NOVA1: variants seen among roughly 807,000 people sequenced by gnomAD.
NOVA1 encodes the protein RNA-binding protein Nova-1.
Under a neutral mutation model 38.0 loss-of-function variants are expected in NOVA1, and 7 were observed. The observed-to-expected ratio is 0.18, with a 90% confidence interval of 0.10 to 0.35. The LOEUF (loss-of-function observed/expected upper bound fraction) is 0.35, where lower values mean the gene tolerates loss of function less well. NOVA1 is among the 10% of genes least tolerant of loss of function. The pLI is 1.00. For synonymous variants in NOVA1, 270 were observed against 232.5 expected (o/e 1.16, Z -1.47); for missense variants, 460 against 616.0 (o/e 0.75, Z 2.68).
At chr14:26,481,867 CAA>C (rs1885479567) in intron 2 of NOVA1, among the ~76,000 whole-genome samples, 2 of 151,510 alleles carry the variant, frequency 1.3e-5, no homozygotes, top group African/African-American at 2.4e-5. Context: ...GTAGCTAATA[CAA>C]AGTGTTCTTA....
At chr14:26,491,085 C>T (rs1019663781) in intron 2 of NOVA1, among the ~76,000 whole-genome samples, 22 of 152,190 alleles carry the variant, frequency 1.4e-4, no homozygotes, top group Admixed American at 2.6e-4. Context: ...CTCCTGGCCT[C>T]ATGATCCGCC....
intron 2 of NOVA1, among the ~76,000 whole-genome samples, chr14:26,528,258 T>C (rs1889441305): frequency 6.6e-6 from 1 of 152,212 alleles, no homozygotes; most frequent in African/African-American, 2.4e-5. Context: ...TGTCCTGTTA[T>C]GCTTACTAGG....
chr14:26,552,454 A>G (rs141951253), intron 2 of NOVA1, among the ~76,000 whole-genome samples: 391 of 152,302 alleles, frequency 2.6e-3, no homozygotes, highest in African/African-American at 8.8e-3. Context: ...AGTTAGAAAT[A>G]ATAAAAGTGA....
intron 2 of NOVA1, among the ~76,000 whole-genome samples, chr14:26,581,139 G>A (rs757207613): frequency 2.0e-5 from 3 of 152,020 alleles, no homozygotes; most frequent in Non-Finnish European, 4.4e-5. Flanking sequence ...CCTAGTAAGT[G>A]GCAGAGCTGG....
chr14:26,510,539 C>CT (rs1439213660), intron 2 of NOVA1, among the ~76,000 whole-genome samples: 1 of 152,062 alleles, frequency 6.6e-6, no homozygotes, highest in African/African-American at 2.4e-5. Flanking sequence ...CTCCCACATA[C>CT]TTTGTAGAGA....
At chr14:26,494,697 T>C (rs1323281148) in intron 2 of NOVA1, among the ~76,000 whole-genome samples, 1 of 152,158 alleles carries the variant, frequency 6.6e-6, no homozygotes, top group East Asian at 1.9e-4. Context: ...TGGTTGTAAA[T>C]ACCATAAAAT....
chr14:26,554,370 A>G (rs757826509), intron 2 of NOVA1, among the ~76,000 whole-genome samples: 2 of 151,932 alleles, frequency 1.3e-5, no homozygotes, highest in Non-Finnish European at 2.9e-5. Flanking sequence ...ACAAAACAAA[A>G]CAGATCATTC....
intron 2 of NOVA1, among the ~76,000 whole-genome samples, chr14:26,567,993 C>T (rs1476377496): frequency 6.6e-6 from 1 of 151,936 alleles, no homozygotes; most frequent in Non-Finnish European, 1.5e-5. Context: ...AACAAAAATA[C>T]TGATAGGACT....
At chr14:26,585,693 G>A (rs1261151051) in intron 2 of NOVA1, among the ~76,000 whole-genome samples, 2 of 150,922 alleles carry the variant, frequency 1.3e-5, no homozygotes, top group Non-Finnish European at 3.0e-5. Flanking sequence ...AACTCATATT[G>A]CTTAAGTTAT....
intron 4 of NOVA1, among the ~76,000 whole-genome samples, chr14:26,453,182 ATG>A (rs1882854932): frequency 1.7e-5 from 1 of 59,404 alleles, no homozygotes; most frequent in East Asian, 8.7e-4. Flanking sequence ...GTATGTATGT[ATG>A]TATGTATGTA....
At chr14:26,555,805 G>A (rs1396455207) in intron 2 of NOVA1, among the ~76,000 whole-genome samples, 2 of 151,972 alleles carry the variant, frequency 1.3e-5, no homozygotes, top group African/African-American at 4.8e-5. Context: ...ATGTCAACCA[G>A]GAATAAATAA....
Position 26,507,963 on chromosome 14 carries a change from G to T in NOVA1, c.281-27820C>A, listed in dbSNP as rs185977650. 1.2e-4 allele frequency among the ~76,000 whole-genome samples: 18 copies of T among 152,062 alleles called. No individual in the cohort carries two copies. The East Asian group carries it at 3.5e-3, about 29-fold the overall frequency. ...AATTCTGTCCTAAACAAGACCATAA[G>T]AGTTATATCAATAGAAGAGGAAAAA... On this transcript the variant is annotated intron_variant, in intron 2 of 4. Transcript: ENST00000539517.
chr14:26,540,925 A>G (rs1410046555), intron 2 of NOVA1, among the ~76,000 whole-genome samples: 1 of 152,142 alleles, frequency 6.6e-6, no homozygotes, highest in Non-Finnish European at 1.5e-5. Context: ...ATTTTTAAAA[A>G]CTTATCACTT....
At chr14:26,511,222 G>C (rs1294620837) in intron 2 of NOVA1, among the ~76,000 whole-genome samples, 2 of 151,926 alleles carry the variant, frequency 1.3e-5, no homozygotes, top group Non-Finnish European at 2.9e-5. Context: ...AACAGGCATG[G>C]CTAAGTTCCC....
intron 1 of NOVA1, 106 bp from the exon 2 acceptor site, chr14:26,595,659 A>T: frequency 1.1e-6 from 1 of 875,136 alleles, no homozygotes; most frequent in Non-Finnish European, 1.7e-6. Context: ...TGGGTATATA[A>T]CTGCAGGAAA....
chr14:26,526,571 T>TTTTA (rs1889314541), intron 2 of NOVA1, among the ~76,000 whole-genome samples: 1 of 98,042 alleles, frequency 1.0e-5, no homozygotes, highest in Admixed American at 1.2e-4. Context: ...TAAATTTTAA[T>TTTTA]GTTAGAAAAT....
chr14:26,487,998 T>C (rs1886051162), intron 2 of NOVA1, among the ~76,000 whole-genome samples: 2 of 152,160 alleles, frequency 1.3e-5, no homozygotes, highest in Admixed American at 6.5e-5. Context: ...TTGATAATAC[T>C]TCCTCCTACC....
In NOVA1 at chr14:26,514,335, C is replaced by T. The variant is rs529468816; in HGVS notation, c.281-34192G>A. On this transcript the variant is annotated intron_variant, in intron 2 of 4. Transcript: ENST00000539517. ...TGTACCTCCTATCCTTGAGGAAAAACTGATCTACATGTTCATAGTTATGGT... is the reference window on the plus strand; with the variant it reads ...TGTACCTCCTATCCTTGAGGAAAAATTGATCTACATGTTCATAGTTATGGT... Among the ~76,000 whole-genome samples, 3 of 151,708 alleles carry T rather than the reference C, an allele frequency of 2.0e-5. No homozygotes were observed. In the South Asian group the frequency reaches 6.2e-4, roughly 32 times the overall value.
intron 2 of NOVA1, among the ~76,000 whole-genome samples, chr14:26,482,135 A>G (rs2138306557): frequency 6.6e-6 from 1 of 152,274 alleles, no homozygotes; most frequent in Admixed American, 6.5e-5. Flanking sequence ...ACTAACAGAT[A>G]GTGAGTGGAA....
Sources: allele counts gnomAD v4.1 joint callset (sites outside exome capture counted in the v4.1 genomes callset), GRCh38; gene constraint gnomAD v4.1.1; transcripts MANE v1.5; gene names NCBI Gene and HGNC (gene_info 2026-07-23, HGNC 2026-07-21).